Variants in SLC4A8 observed in about 807,000 individuals in gnomAD.
SLC4A8 encodes solute carrier family 4 member 8.
Under a neutral mutation model 125.0 loss-of-function variants are expected in SLC4A8, and 40 were observed. The ratio of observed to expected loss-of-function variants is 0.32; its 90% CI spans 0.25 to 0.42. The LOEUF is 0.42. SLC4A8 is among the 10% of genes least tolerant of loss of function. The probability of loss-of-function intolerance (pLI) is 1.00; values close to 1 mark genes in which losing one functional copy is unlikely to be tolerated. For missense variants in SLC4A8, 863 were observed against 1,355.1 expected (o/e 0.64, Z 5.70); for synonymous variants, 456 against 476.0 (o/e 0.96, Z 0.55).
chr12:51,476,683 A>G (rs781261599), intron 16 of SLC4A8, among the ~76,000 whole-genome samples: 1 of 152,154 alleles, frequency 6.6e-6, no homozygotes, highest in African/African-American at 2.4e-5. Context: ...ATGTGCTCCC[A>G]GTCCTCTATT....
At chr12:51,393,529 T>A (rs1277492193) in intron 1 of SLC4A8, among the ~76,000 whole-genome samples, 1 of 152,126 alleles carries the variant, frequency 6.6e-6, no homozygotes, top group Admixed American at 6.5e-5. Flanking sequence ...AAGAAAGTAA[T>A]CTTTTTTTCT....
intron 1 of SLC4A8, among the ~76,000 whole-genome samples, chr12:51,407,607 C>G (rs1156371381): frequency 1.3e-5 from 2 of 152,112 alleles, no homozygotes; most frequent in Non-Finnish European, 2.9e-5. Flanking sequence ...GAGACACATT[C>G]AAACCATAGC....
At chr12:51,432,099 G>A (rs150057970) in intron 1 of SLC4A8, among the ~76,000 whole-genome samples, 37 of 152,196 alleles carry the variant, frequency 2.4e-4, no homozygotes, top group Non-Finnish European at 4.9e-4. Flanking sequence ...GTATTACCTC[G>A]GTTTGCTGAT....
At chr12:51,482,171 A>G (rs1467436611) in intron 16 of SLC4A8, among the ~76,000 whole-genome samples, 3 of 152,290 alleles carry the variant, frequency 2.0e-5, no homozygotes, top group Non-Finnish European at 2.9e-5. Context: ...TGTACTGTAC[A>G]CATAAAATAT....
In SLC4A8 at chr12:51,463,581, A is replaced by G. The variant is rs376961852; in HGVS notation, c.1249-33A>G. On this transcript the variant is annotated intron_variant, in intron 10 of 24. Transcript: ENST00000453097. Reference sequence around the variant, plus strand: ...ATAGCAGGACGAAAAGATAGATGTTACCTTTACTAATTTTGTGGTCTTCTG... The same window carrying G: ...ATAGCAGGACGAAAAGATAGATGTTGCCTTTACTAATTTTGTGGTCTTCTG... 8 of 1,506,710 alleles carry G rather than the reference A, an allele frequency of 5.3e-6. No individual in the cohort carries two copies. In the African/African-American group the frequency reaches 9.6e-5, roughly 18 times the overall value. The allele number at this position is 1,506,710 out of a possible 1,614,324, so 93.3% of individuals were successfully genotyped here.
chr12:51,506,400 G>GT lies in SLC4A8; in HGVS notation c.3269+480dup, dbSNP rs573229082. ...TTTTTGAAATATTAAATTGTAACTG[G>GT]TTTTTTTTTTCTTTCTTTCTTTTTC... On this transcript the variant is annotated intron_variant, in intron 24 of 24. Transcript: ENST00000453097. Among the ~76,000 whole-genome samples the GT allele has an allele frequency of 6.1e-3, 900 of 148,224 alleles. 11 individuals carry two copies. Among genetic ancestry groups the GT allele is most frequent in the African/African-American group, 0.02 (816 of 40,544 alleles).
At position 51,424,865 on chromosome 12, in the gene SLC4A8, T is replaced by C. The variant is rs999021023; in HGVS notation, c.-123T>C. 9.2e-6 allele frequency: 10 copies of C among 1,081,166 alleles called. No homozygotes were observed. In the East Asian group the frequency reaches 1.5e-4, roughly 16 times the overall value. 67.0% of individuals were successfully genotyped at this position (1,081,166 alleles called of 1,614,324 possible). On this transcript the variant is annotated 5_prime_UTR_variant, in exon 1 of 25. The change abolishes an upstream ATG in the 5' untranslated region. Transcript: ENST00000453097. ...TGGCTATGGAGGCGGCGGCGGTTGA[T>C]GGTTGACCGTTGGCTCCGGGGTGGG...
chr12:51,456,970 A>G (rs1451046578), intron 5 of SLC4A8, among the ~76,000 whole-genome samples: 2 of 152,236 alleles, frequency 1.3e-5, no homozygotes, highest in African/African-American at 4.8e-5. Flanking sequence ...GGCAGATGAC[A>G]GAACAAAGCA....
intron 1 of SLC4A8, among the ~76,000 whole-genome samples, chr12:51,400,777 T>G: frequency 1.0e-4 from 1 of 10,010 alleles, no homozygotes; most frequent in African/African-American, 4.8e-4. Flanking sequence ...TATATATATA[T>G]ACATACATAC....
chr12:51,404,985 T>G (rs1283785291), intron 1 of SLC4A8, among the ~76,000 whole-genome samples: 1 of 152,198 alleles, frequency 6.6e-6, no homozygotes, highest in Non-Finnish European at 1.5e-5. Flanking sequence ...GTGAAAAGGC[T>G]TGAGGTAAAA....
chr12:51,500,523 C>G (rs1043426078), intron 22 of SLC4A8, among the ~76,000 whole-genome samples: 2 of 151,926 alleles, frequency 1.3e-5, no homozygotes, highest in Non-Finnish European at 2.9e-5. Flanking sequence ...CTATTTGTAT[C>G]ATGATATTTT....
intron 3 of SLC4A8, 134 bp from the exon 4 acceptor site, chr12:51,451,990 A>G: frequency 3.5e-6 from 3 of 846,492 alleles, no homozygotes; most frequent in Non-Finnish European, 5.4e-6. Context: ...TTTTTCTCTG[A>G]GAATAAAGAA....
intron 1 of SLC4A8, among the ~76,000 whole-genome samples, chr12:51,440,121 C>G (rs1346880121): frequency 6.6e-6 from 1 of 152,136 alleles, no homozygotes; most frequent in Non-Finnish European, 1.5e-5. Flanking sequence ...GTGTGGTAAA[C>G]AGGCCCAAAT....
chr12:51,440,400 TTC>T (rs1949555902), intron 1 of SLC4A8, among the ~76,000 whole-genome samples: 2 of 137,988 alleles, frequency 1.4e-5, no homozygotes, highest in Non-Finnish European at 3.1e-5. Context: ...GGGTGACCCA[TTC>T]TCTCTCTGTT....
intron 1 of SLC4A8, among the ~76,000 whole-genome samples, chr12:51,418,364 C>T (rs1395778581): frequency 6.6e-6 from 1 of 152,024 alleles, no homozygotes; most frequent in African/African-American, 2.4e-5. Context: ...AAGTTTCTTC[C>T]AAGAATTCTT....
intron 1 of SLC4A8, chr12:51,392,648 C>A (rs1258962057): frequency 6.6e-6 from 1 of 151,742 alleles, no homozygotes; most frequent in Admixed American, 6.6e-5. Flanking sequence ...TTCCGAAACT[C>A]GGGTTGGGCC....
intron 2 of SLC4A8, among the ~76,000 whole-genome samples, chr12:51,445,529 C>T (rs1210564135): frequency 3.3e-5 from 5 of 152,034 alleles, no homozygotes; most frequent in Admixed American, 6.6e-5. Flanking sequence ...CATGACCTGC[C>T]CCTGCCTGTT....
In SLC4A8 at chr12:51,474,337, C is replaced by G. The variant is rs547990808; in HGVS notation, c.1905-5C>G. The G allele has an allele frequency of 6.5e-7, 1 of 1,549,998 alleles. No individual in the cohort carries two copies. Among genetic ancestry groups the G allele is most frequent in the East Asian group, 2.3e-5 (1 of 43,876 alleles). ...CTCAGGAATCTTTTTAATTTTTCCC[C>G]TCAGCTGCAGGTGTACTCTGCCAGA... On this transcript the variant is annotated splice_polypyrimidine_tract_variant and splice_region_variant and intron_variant, in intron 14 of 24. Coordinates refer to ENST00000453097, the MANE Select transcript of SLC4A8 (RefSeq NM_001039960.3).
chr12:51,427,137 A>G (rs1949019651), intron 1 of SLC4A8, among the ~76,000 whole-genome samples: 1 of 151,662 alleles, frequency 6.6e-6, no homozygotes, highest in Non-Finnish European at 1.5e-5. Flanking sequence ...ACAGGGTTTC[A>G]CCGTGTTAGC....
Sources: gnomAD v4.1 joint callset for allele counts (sites outside exome capture counted in the v4.1 genomes callset) on GRCh38, gnomAD v4.1.1 for gene constraint, MANE v1.5 for transcripts, NCBI Gene and HGNC (gene_info 2026-07-23, HGNC 2026-07-21) for gene names.